The following TMEM117 variants were observed in gnomAD, a reference collection of about 807,000 sequenced individuals.
TMEM117 encodes the protein transmembrane protein 117.
TMEM117 carries 27 observed loss-of-function variants against 52.4 expected under a neutral mutation model. The ratio of observed to expected loss-of-function variants is 0.51; its 90% CI spans 0.38 to 0.71. The LOEUF (loss-of-function observed/expected upper bound fraction) is 0.71. Ranked by LOEUF, TMEM117 falls within the 30% of genes least tolerant of loss-of-function variation. The pLI, the probability that TMEM117 is intolerant of heterozygous loss-of-function variation, is 0.00. For missense variants in TMEM117, 556 were observed against 630.5 expected, an observed-to-expected ratio of 0.88 and a Z score of 1.26; for synonymous variants, 215 against 206.3, an observed-to-expected ratio of 1.04 and a Z score of -0.36.
chr12:44,058,269 G>A (rs886403839), intron 3 of TMEM117, among the ~76,000 whole-genome samples: 2 of 151,986 alleles, frequency 1.3e-5, no homozygotes, highest in Non-Finnish European at 2.9e-5. Flanking sequence ...GAAAGCTTAC[G>A]TATATCACAA....
chr12:43,808,928 C>T, the TMEM117 span, among the ~76,000 whole-genome samples: 1 of 151,458 alleles, frequency 6.6e-6, no homozygotes, highest in South Asian at 2.1e-4. Flanking sequence ...CAAGTGATGT[C>T]GGAAACTGGG....
intron 3 of TMEM117, among the ~76,000 whole-genome samples, chr12:44,077,321 A>G (rs1487133423): frequency 1.3e-5 from 2 of 152,252 alleles, no homozygotes; most frequent in Non-Finnish European, 2.9e-5. Context: ...AAAGTTGTGC[A>G]GAATTTGAAA....
At chr12:44,145,534 T>C (rs1948630926) in intron 4 of TMEM117, among the ~76,000 whole-genome samples, 1 of 152,228 alleles carries the variant, frequency 6.6e-6, no homozygotes, top group Non-Finnish European at 1.5e-5. Flanking sequence ...TGACTTAAAA[T>C]GCTAACGTAT....
rs541272102 is a variant in TMEM117 at position 44,015,175 on chromosome 12, A to G, written c.410+70833A>G. ...AAGATCTGTCCAAGAACAGTGTATCATCTAAAAGAGGGGATGCTGGACTTA... is the reference window on the plus strand; with the variant it reads ...AAGATCTGTCCAAGAACAGTGTATCGTCTAAAAGAGGGGATGCTGGACTTA... On this transcript the variant is annotated intron_variant, in intron 3 of 7. Transcript: ENST00000266534. Among the ~76,000 whole-genome samples the G allele has an allele frequency of 3.2e-4, 48 of 152,282 alleles. No individual in the cohort carries two copies. The East Asian group carries it at 7.0e-3, about 22-fold the overall frequency.
rs937863657 is a variant in TMEM117 at position 44,094,209 on chromosome 12, A to C, written c.411-49316A>C. On this transcript the variant is annotated intron_variant, in intron 3 of 7. Coordinates refer to ENST00000266534, the MANE Select transcript of TMEM117 (RefSeq NM_032256.3). ...GGAAGAGAATTTTGAACCATTCACT[A>C]TGCATTAGCTCCAATGACAGAATAT... Among the ~76,000 whole-genome samples the C allele has an allele frequency of 6.6e-5, 10 of 152,252 alleles. 1 individual carries two copies. The South Asian group carries it at 2.1e-3, about 32-fold the overall frequency.
At chr12:43,919,140 G>A (rs1055851512) in intron 2 of TMEM117, among the ~76,000 whole-genome samples, 1 of 151,938 alleles carries the variant, frequency 6.6e-6, no homozygotes, top group Non-Finnish European at 1.5e-5. Context: ...ATTTTATTAT[G>A]GTAATAACAC....
chr12:43,813,867 T>C, the TMEM117 span, among the ~76,000 whole-genome samples: 2 of 152,052 alleles, frequency 1.3e-5, no homozygotes, highest in African/African-American at 4.8e-5. Flanking sequence ...CCTCCCTTCC[T>C]TTTTTTCCCT....
intron 3 of TMEM117, among the ~76,000 whole-genome samples, chr12:43,957,950 A>G (rs1475082508): frequency 6.6e-6 from 1 of 152,226 alleles, no homozygotes; most frequent in African/African-American, 2.4e-5. Context: ...AGCAAAAGGC[A>G]TGTTTTCAGC....
intron 6 of TMEM117, among the ~76,000 whole-genome samples, chr12:44,350,943 G>C (rs1416061697): frequency 6.6e-6 from 1 of 151,992 alleles, no homozygotes; most frequent in Non-Finnish European, 1.5e-5. Context: ...CCTCCAAACT[G>C]TTCTCCATAG....
chr12:43,881,492 T>C (rs1943894266), intron 2 of TMEM117, among the ~76,000 whole-genome samples: 1 of 152,194 alleles, frequency 6.6e-6, no homozygotes. Context: ...TCAATTTCAC[T>C]CTTGAAAGAC....
chr12:44,321,262 A>G (rs1951125777), intron 6 of TMEM117, among the ~76,000 whole-genome samples: 1 of 152,170 alleles, frequency 6.6e-6, no homozygotes, highest in Admixed American at 6.5e-5. Context: ...GACCCAGAGT[A>G]GATTGTTTGT....
chr12:44,223,873 G>A (rs1949823646), intron 5 of TMEM117, among the ~76,000 whole-genome samples: 1 of 152,156 alleles, frequency 6.6e-6, no homozygotes, highest in African/African-American at 2.4e-5. Context: ...CTTCTGAAAA[G>A]TATAATTGTT....
Position 43,874,586 on chromosome 12 carries a change from C to T in TMEM117, c.277+29658C>T, listed in dbSNP as rs1174666143. ...AGCCTGGGCGACAAGAACAAGACTC[C>T]GTCTCAAAAAAGCAAGCAAACAAAA... On this transcript the variant is annotated intron_variant, in intron 2 of 7. Coordinates refer to ENST00000266534, the MANE Select transcript of TMEM117 (RefSeq NM_032256.3). 3.3e-5 allele frequency among the ~76,000 whole-genome samples: 5 copies of T among 152,114 alleles called. No homozygotes were observed. In the East Asian group the frequency reaches 5.8e-4, roughly 18 times the overall value.
At chr12:44,392,642 T>G (rs1247418531), downstream of TMEM117, among the ~76,000 whole-genome samples, 1 of 151,592 alleles carries the variant, frequency 6.6e-6, no homozygotes, top group Non-Finnish European at 1.5e-5. Context: ...CATTTAACAT[T>G]AGGCATATCT....
At chr12:44,258,154 G>A (rs1950280777) in intron 5 of TMEM117, among the ~76,000 whole-genome samples, 1 of 151,954 alleles carries the variant, frequency 6.6e-6, no homozygotes. Context: ...AGCATTAGGT[G>A]GGCATTTATC....
intron 3 of TMEM117, among the ~76,000 whole-genome samples, chr12:44,108,433 C>A (rs1479635487): frequency 1.0e-5 from 1 of 96,576 alleles, no homozygotes; most frequent in Non-Finnish European, 2.0e-5. Context: ...TCAATTCCCA[C>A]CTATGAGTGA....
intron 4 of TMEM117, among the ~76,000 whole-genome samples, chr12:44,178,381 C>A (rs1354504114): frequency 6.6e-6 from 1 of 152,168 alleles, no homozygotes; most frequent in African/African-American, 2.4e-5. Flanking sequence ...ATTTGTAAGA[C>A]CCCAGTCGTT....
At chr12:43,872,382 C>G (rs1170016121) in intron 2 of TMEM117, among the ~76,000 whole-genome samples, 1 of 152,282 alleles carries the variant, frequency 6.6e-6, no homozygotes, top group African/African-American at 2.4e-5. Context: ...GTACCTCTAA[C>G]TACAGAAAAG....
intron 3 of TMEM117, among the ~76,000 whole-genome samples, chr12:44,107,727 T>G (rs560669864): frequency 6.6e-6 from 1 of 152,312 alleles, no homozygotes; most frequent in South Asian, 2.1e-4. Context: ...AAACATTATT[T>G]TACTTCTTTC....
Sources: gnomAD v4.1 joint callset for allele counts (sites outside exome capture counted in the v4.1 genomes callset) on GRCh38, gnomAD v4.1.1 for gene constraint, MANE v1.5 for transcripts, NCBI Gene and HGNC (gene_info 2026-07-23, HGNC 2026-07-21) for gene names.